WHRN: variants seen among roughly 807,000 people sequenced by gnomAD.
WHRN encodes whirlin.
Under a neutral mutation model 68.3 loss-of-function variants are expected in WHRN, and 41 were observed. That is an observed-to-expected ratio of 0.60 (90% CI 0.47 to 0.78). WHRN has a LOEUF of 0.78. Ranked by LOEUF, WHRN falls within the 30% of genes least tolerant of loss-of-function variation. WHRN has a pLI of 0.00. For missense variants in WHRN, 1,243 were observed against 1,244.7 expected (o/e 1.00, Z 0.02); for synonymous variants, 560 against 561.3 (o/e 1.00, Z 0.03).
chr9:114,466,794 C>T (rs1840741547), intron 2 of WHRN, among the ~76,000 whole-genome samples: 1 of 152,124 alleles, frequency 6.6e-6, no homozygotes, highest in Admixed American at 6.5e-5. Flanking sequence ...CTCAATTAGG[C>T]TCCATCTGCC....
At chr9:114,423,771 C>T (rs1836542021) in intron 6 of WHRN, among the ~76,000 whole-genome samples, 1 of 152,222 alleles carries the variant, frequency 6.6e-6, no homozygotes. Context: ...CCTGGACACA[C>T]TGCAACATTT....
intron 7 of WHRN, among the ~76,000 whole-genome samples, chr9:114,422,085 T>C (rs1836338578): frequency 6.6e-6 from 1 of 152,202 alleles, no homozygotes; most frequent in Non-Finnish European, 1.5e-5. Context: ...TCCTCACTCA[T>C]TAACCATCTG....
At chr9:114,460,218 A>G (rs1335640443) in intron 3 of WHRN, among the ~76,000 whole-genome samples, 1 of 152,224 alleles carries the variant, frequency 6.6e-6, no homozygotes, top group African/African-American at 2.4e-5. Flanking sequence ...GGTGCTAGGA[A>G]GGTGGCAGAG....
chr9:114,420,797 G>A (rs1365925260), intron 7 of WHRN, among the ~76,000 whole-genome samples: 1 of 152,122 alleles, frequency 6.6e-6, no homozygotes, highest in Non-Finnish European at 1.5e-5. Context: ...GCATTTCTGG[G>A]ATGCTGGTAC....
chr9:114,489,463 TACACAC>T (rs59922135), intron 1 of WHRN, among the ~76,000 whole-genome samples: 13 of 149,964 alleles, frequency 8.7e-5, no homozygotes, highest in Non-Finnish European at 1.3e-4. Context: ...CACACACACA[TACACAC>T]ACACACACAC....
Position 114,461,393 on chromosome 9 carries a change from T to C in WHRN, c.963+4874A>G, listed in dbSNP as rs373999469. Among the ~76,000 whole-genome samples the C allele has an allele frequency of 2.9e-3, 448 of 152,338 alleles. 2 individuals are homozygous for C. Among genetic ancestry groups the C allele is most frequent in the Non-Finnish European group, 4.5e-3 (307 of 68,028 alleles). On this transcript the variant is annotated intron_variant, in intron 3 of 11. Transcript: ENST00000362057. ...CATATAGAATACAGATGAAATCCTG[T>C]TAGCTATGTGGTTTTGCAGCCCACG...
At chr9:114,414,546 G>C (rs1589082405) in intron 7 of WHRN, among the ~76,000 whole-genome samples, 1 of 152,310 alleles carries the variant, frequency 6.6e-6, no homozygotes, top group Non-Finnish European at 1.5e-5. Context: ...TCCTCACTCA[G>C]AGGGCAGCTG....
chr9:114,461,914 T>G (rs1383285862), intron 3 of WHRN, among the ~76,000 whole-genome samples: 1 of 152,210 alleles, frequency 6.6e-6, no homozygotes, highest in Non-Finnish European at 1.5e-5. Context: ...AGAGACTGTG[T>G]CTGTCTTGCT....
At chr9:114,492,496 C>G (rs1053078781) in intron 1 of WHRN, among the ~76,000 whole-genome samples, 1 of 152,146 alleles carries the variant, frequency 6.6e-6, no homozygotes, top group African/African-American at 2.4e-5. Flanking sequence ...TCATACATCG[C>G]TTGGTGTAAC....
At chr9:114,403,792 T>A (rs1834831779) in intron 10 of WHRN, 104 bp downstream of exon 10, 1 of 1,428,218 alleles carries the variant, frequency 7.0e-7, no homozygotes, top group East Asian at 2.3e-5. Context: ...ACTACCTCCC[T>A]TTGTGGTCAC....
At chr9:114,466,125 A>G in intron 3 of WHRN, 142 bp downstream of exon 3, 4 of 1,301,884 alleles carry the variant, frequency 3.1e-6, no homozygotes, top group Non-Finnish European at 4.3e-6. Flanking sequence ...CTGTGAATTT[A>G]GAGGTACAGC....
chr9:114,438,538 T>C (rs1334855692), intron 3 of WHRN, among the ~76,000 whole-genome samples: 3 of 150,976 alleles, frequency 2.0e-5, no homozygotes, highest in Admixed American at 6.6e-5. Flanking sequence ...CTGCAAGCTC[T>C]GCCTCCCGTG....
At chr9:114,484,384 G>C (rs1842324915) in intron 1 of WHRN, among the ~76,000 whole-genome samples, 1 of 152,210 alleles carries the variant, frequency 6.6e-6, no homozygotes, top group Non-Finnish European at 1.5e-5. Context: ...CATATTAGCT[G>C]TGCCACCTCA....
At position 114,504,784 on chromosome 9, in the gene WHRN, G is replaced by T. The variant is rs764916466; in HGVS notation, c.18C>A (p.Asp6Glu). 1.4e-6 allele frequency: 2 copies of T among 1,459,532 alleles called. No individual in the cohort carries two copies. Among genetic ancestry groups the T allele is most frequent in the South Asian group, 1.4e-5 (1 of 71,976 alleles). The allele number at this position is 1,459,532 out of a possible 1,614,324, so 90.4% of individuals were successfully genotyped here. ...TGGAGGACGAGCTCACCGACAGGCC[G>T]TCCAGCGGCGCGTTCATCTCCACGC... MNAPL[D>E]GLSVSSSSTG... The change falls in exon 1 of 12, where the codon GAC becomes GAA. Residue 6 changes from aspartate (D) to glutamate (E), a missense_variant. Coordinates refer to ENST00000362057, the MANE Select transcript of WHRN (RefSeq NM_015404.4).
intron 3 of WHRN, among the ~76,000 whole-genome samples, chr9:114,430,873 T>C (rs1837360610): frequency 6.6e-6 from 1 of 152,198 alleles, no homozygotes; most frequent in African/African-American, 2.4e-5. Flanking sequence ...ACCAAAGTGC[T>C]AGGTAGGACT....
intron 3 of WHRN, among the ~76,000 whole-genome samples, chr9:114,457,067 A>C (rs912046769): frequency 6.6e-6 from 1 of 152,224 alleles, no homozygotes; most frequent in Non-Finnish European, 1.5e-5. Context: ...ATGAATACAT[A>C]CAGATACGGG....
intron 3 of WHRN, 135 bp downstream of exon 3, chr9:114,466,132 C>A: frequency 7.3e-7 from 1 of 1,376,276 alleles, no homozygotes; most frequent in Non-Finnish European, 1.0e-6. Context: ...TTTAGAGGTA[C>A]AGCAGCCAGG....
intron 1 of WHRN, among the ~76,000 whole-genome samples, chr9:114,482,835 C>G (rs1283223361): frequency 1.3e-5 from 2 of 152,178 alleles, no homozygotes; most frequent in Admixed American, 1.3e-4. Context: ...TTGATGAGAA[C>G]ACCACAGAGA....
At chr9:114,446,473 A>C (rs1838829151) in intron 3 of WHRN, among the ~76,000 whole-genome samples, 1 of 152,192 alleles carries the variant, frequency 6.6e-6, no homozygotes, top group Non-Finnish European at 1.5e-5. Context: ...TGATTTGCAC[A>C]CTTTAAAAGG....
Sources: gnomAD v4.1 joint callset for allele counts (sites outside exome capture counted in the v4.1 genomes callset) on GRCh38, gnomAD v4.1.1 for gene constraint, MANE v1.5 for transcripts, NCBI Gene and HGNC (gene_info 2026-07-23, HGNC 2026-07-21) for gene names.